The following CORIN variants were observed in gnomAD, a reference collection of about 807,000 sequenced individuals.
CORIN encodes the protein corin, serine peptidase.
In CORIN, 117 loss-of-function variants were observed where a neutral mutation model predicts 125.3. The ratio of observed to expected loss-of-function variants is 0.93; its 90% CI spans 0.80 to 1.09. The LOEUF is 1.09. Ranked by LOEUF, CORIN falls within the 50% of genes least tolerant of loss-of-function variation. The pLI, the probability that CORIN is intolerant of heterozygous loss-of-function variation, is 0.00. For synonymous variants in CORIN, 450 were observed against 466.4 expected, an observed-to-expected ratio of 0.96 and a Z score of 0.45; for missense variants, 1,253 against 1,306.7, an observed-to-expected ratio of 0.96 and a Z score of 0.63.
rs781484683 is a variant in CORIN, at chr4:47,623,684, G to T, written c.2427C>A (p.Arg809=). The part of the protein sequence containing the change: ...NKRILGGRTS[R]PGRWPWQCSL... Reference sequence around the variant, plus strand: ...AACACTGCCATGGCCACCTTCCAGGGCGACTCGTCCGACCTCCAAGGATCC... The same window carrying T: ...AACACTGCCATGGCCACCTTCCAGGTCGACTCGTCCGACCTCCAAGGATCC... Residue 809 remains arginine (R), a synonymous_variant, in exon 19 of 22, where the codon CGC becomes CGA. Transcript: ENST00000273857. The T allele has an allele frequency of 6.2e-7, 1 of 1,614,202 alleles. No homozygotes were observed. The highest frequency in any genetic ancestry group is 8.5e-7 in the Non-Finnish European group (1 of 1,180,026).
chr4:47,648,686 T>A (rs995407884), intron 13 of CORIN, among the ~76,000 whole-genome samples: 1 of 152,190 alleles, frequency 6.6e-6, no homozygotes, highest in East Asian at 1.9e-4. Flanking sequence ...AGTAAGTAGG[T>A]CCACTCATCC....
chr4:47,722,534 T>A (rs890340681), intron 5 of CORIN, among the ~76,000 whole-genome samples: 1 of 152,194 alleles, frequency 6.6e-6, no homozygotes, highest in Non-Finnish European at 1.5e-5. Flanking sequence ...CATCTTGCTA[T>A]CCTGCCTCCT....
intron 13 of CORIN, among the ~76,000 whole-genome samples, chr4:47,650,850 G>C (rs1723703984): frequency 6.6e-6 from 1 of 152,046 alleles, no homozygotes; most frequent in African/African-American, 2.4e-5. Flanking sequence ...CTGTCTCTTA[G>C]ACTTCCTTCC....
At chr4:47,602,398 G>A (rs1025693336) in intron 20 of CORIN, among the ~76,000 whole-genome samples, 5 of 152,186 alleles carry the variant, frequency 3.3e-5, no homozygotes, top group Non-Finnish European at 7.4e-5. Flanking sequence ...TGTTTTATAT[G>A]TTAAGTCATC....
chr4:47,777,244 G>T (rs1401966810), intron 3 of CORIN, among the ~76,000 whole-genome samples: 1 of 152,168 alleles, frequency 6.6e-6, no homozygotes, highest in African/African-American at 2.4e-5. Context: ...CAAAATTTGA[G>T]ACATCTCATA....
At chr4:47,693,209 G>C in intron 5 of CORIN, 126 bp from the exon 6 acceptor site, 1 of 660,696 alleles carries the variant, frequency 1.5e-6, no homozygotes, top group African/African-American at 1.8e-5. Context: ...AATTCCCTCA[G>C]TTTTATTGTC....
At chr4:47,753,210 T>C (rs905776116) in intron 4 of CORIN, among the ~76,000 whole-genome samples, 7 of 151,734 alleles carry the variant, frequency 4.6e-5, no homozygotes, top group Non-Finnish European at 7.4e-5. Context: ...GGGGTGGGGG[T>C]GTACGAACAA....
At position 47,826,988 on chromosome 4, in the gene CORIN, C is replaced by A. The variant is rs969110339; in HGVS notation, c.63+10899G>T. Among the ~76,000 whole-genome samples, 3 of 151,968 alleles carry A rather than the reference C, an allele frequency of 2.0e-5. No homozygotes were observed. The East Asian group carries it at 5.8e-4, about 29-fold the overall frequency. On this transcript the variant is annotated intron_variant, in intron 1 of 21. Coordinates refer to ENST00000273857, the MANE Select transcript of CORIN (RefSeq NM_006587.4). The stretch of plus-strand genomic sequence containing the variant: ...TGATTACATATTAAAATTATAAAAT[C>A]TTGGATATATTGAGTTAAATAAGCT...
chr4:47,649,496 C>G (rs1423318554), intron 13 of CORIN, among the ~76,000 whole-genome samples: 1 of 152,208 alleles, frequency 6.6e-6, no homozygotes, highest in Non-Finnish European at 1.5e-5. Context: ...TTTCCACCAC[C>G]ACAGCAGGTG....
rs530942982 is a variant in CORIN, at chr4:47,717,863, A to G, written c.800-24780T>C. ...TTGATATTGCTTTAGGGACCATGAC[A>G]GAAGCAGAAGATAGTGGGAATGTTA... On this transcript the variant is annotated intron_variant, in intron 5 of 21. Coordinates refer to ENST00000273857, the MANE Select transcript of CORIN (RefSeq NM_006587.4). Among the ~76,000 whole-genome samples, 4 of 152,346 alleles carry G rather than the reference A, an allele frequency of 2.6e-5. No homozygotes were observed. The East Asian group carries it at 5.8e-4, about 22-fold the overall frequency.
chr4:47,729,644 C>A (rs539700123), intron 5 of CORIN, among the ~76,000 whole-genome samples: 1 of 152,196 alleles, frequency 6.6e-6, no homozygotes, highest in Admixed American at 6.5e-5. Flanking sequence ...TAGAAGAGGG[C>A]GGTTCCCCAA....
chr4:47,711,433 C>T (rs1212051429), intron 5 of CORIN, among the ~76,000 whole-genome samples: 2 of 152,256 alleles, frequency 1.3e-5, no homozygotes, highest in Non-Finnish European at 2.9e-5. Context: ...TACTTCACCT[C>T]CTTCAAAGAG....
chr4:47,626,392 A>G lies in CORIN; in HGVS notation c.2315+13T>C. 1 of 1,410,062 alleles carries G rather than the reference A, an allele frequency of 7.1e-7. No homozygotes were observed. The highest frequency in any genetic ancestry group is 1.4e-5 in the African/African-American group (1 of 70,950). The allele number at this position is 1,410,062 out of a possible 1,614,324, so 87.3% of individuals were successfully genotyped here. On this transcript the variant is annotated intron_variant, in intron 17 of 21. Coordinates refer to ENST00000273857, the MANE Select transcript of CORIN (RefSeq NM_006587.4). The stretch of plus-strand genomic sequence containing the variant: ...AATCTGACTCTACACAGCTCTTATG[A>G]ATGCATTCTTACCCATTTACTAGAA...
chr4:47,743,932 T>C (rs1050501237), intron 5 of CORIN, among the ~76,000 whole-genome samples: 1 of 151,794 alleles, frequency 6.6e-6, no homozygotes, highest in African/African-American at 2.4e-5. Flanking sequence ...AGCATCACTG[T>C]AATAGCTGAA....
At chr4:47,775,339 G>C (rs1010761714) in intron 3 of CORIN, among the ~76,000 whole-genome samples, 22 of 151,888 alleles carry the variant, frequency 1.4e-4, no homozygotes, top group South Asian at 4.2e-4. Context: ...ATTTACATTA[G>C]GTATATCTCC....
intron 8 of CORIN, 46 bp downstream of exon 8, chr4:47,680,094 AC>A: frequency 4.0e-6 from 5 of 1,257,426 alleles, no homozygotes; most frequent in Non-Finnish European, 5.8e-6. Flanking sequence ...AGCCTAAAGA[AC>A]CAGAAATGGA....
rs1010419375 is a variant in CORIN at position 47,759,871 on chromosome 4, T to C, written c.617+3508A>G. On this transcript the variant is annotated intron_variant, in intron 4 of 21. Transcript: ENST00000273857. ...CATCTTTAGGCTCCACTTTTAATTA[T>C]AGTTCTCTTGCTATTTTCACAACCT... is the stretch of plus-strand genomic sequence containing the variant. Among the ~76,000 whole-genome samples, 69 of 152,352 alleles carry C rather than the reference T, an allele frequency of 4.5e-4. No individual in the cohort carries two copies. In the Middle Eastern group the frequency reaches 0.014, roughly 30 times the overall value.
At chr4:47,663,199 G>A (rs1188951961) in intron 11 of CORIN, among the ~76,000 whole-genome samples, 1 of 152,040 alleles carries the variant, frequency 6.6e-6, no homozygotes, top group Admixed American at 6.6e-5. Flanking sequence ...TCCTTGTAGT[G>A]TTCAGCCATA....
intron 13 of CORIN, 40 bp downstream of exon 13, chr4:47,653,513 T>C (rs867930840): frequency 5.5e-6 from 8 of 1,463,476 alleles, no homozygotes; most frequent in East Asian, 2.3e-5. Context: ...ATTCTAGTTA[T>C]CACTGTACAT....
Sources: allele counts gnomAD v4.1 joint callset (sites outside exome capture counted in the v4.1 genomes callset), GRCh38; gene constraint gnomAD v4.1.1; transcripts MANE v1.5; gene names NCBI Gene and HGNC (gene_info 2026-07-23, HGNC 2026-07-21).